The following CDH23 variants were observed in gnomAD, a reference collection of about 807,000 sequenced individuals.
CDH23 encodes cadherin-23.
A neutral mutation model predicts 317.1 loss-of-function variants in CDH23; 189 were observed. That is an observed-to-expected ratio of 0.60 (90% CI 0.53 to 0.67). The LOEUF is 0.67. Among genes scored for constraint, CDH23 ranks in the 30% least tolerant of loss-of-function variants. The pLI is 0.00. For missense variants in CDH23, 4,401 were observed against 4,592.4 expected, an observed-to-expected ratio of 0.96 and a Z score of 1.20; for synonymous variants, 1,839 against 1,876.8, an observed-to-expected ratio of 0.98 and a Z score of 0.52.
At position 71,566,805 on chromosome 10, in the gene CDH23, G is replaced by A; in HGVS notation, c.493G>A (p.Gly165Ser). The A allele has an allele frequency of 6.2e-7, 1 of 1,613,682 alleles. No homozygotes were observed. The highest frequency in any genetic ancestry group is 8.5e-7 in the Non-Finnish European group (1 of 1,179,644). The change falls in exon 7 of 70, where the codon GGC (glycine) becomes AGC (serine). Residue 165 changes from glycine to serine, a missense_variant. By Grantham distance (56) the Gly-to-Ser change is moderately conservative (BLOSUM62 0). Transcript: ENST00000224721. ...CACAGACCCCGACTTGGGGGCAGGG[G>A]GCAGCGTCCTCTACTCCTTCCAGCC... ...NATDPDLGAGGSVLYSFQPPS... is the reference protein window; with the variant it reads ...NATDPDLGAGSSVLYSFQPPS...
intron 1 of CDH23, among the ~76,000 whole-genome samples, chr10:71,420,467 A>G (rs1393328409): frequency 1.4e-5 from 2 of 142,178 alleles, no homozygotes; most frequent in African/African-American, 2.7e-5. Flanking sequence ...GATAATGATG[A>G]TGGTGATGAT....
chr10:71,695,523 A>C lies in CDH23; in HGVS notation c.2395A>C (p.Thr799Pro), dbSNP rs1262031300. The C allele has an allele frequency of 1.2e-6, 2 of 1,604,700 alleles. No individual in the cohort carries two copies. The highest frequency in any genetic ancestry group is 1.7e-6 in the Non-Finnish European group (2 of 1,171,556). ...GACCCCTCCAGACTCTGATGTGACC[A>C]CGGTAGGTGGTGGCAGAGCAGCAGA... Reference protein sequence around the residue: ...EMTPPDSDVTTVVAVDPDLGE... With the variant: ...EMTPPDSDVTPVVAVDPDLGE... Residue 799 changes from threonine (T) to proline (P), a missense_variant and splice_region_variant, in exon 22 of 70, where the codon ACG (threonine) becomes CCG (proline). Thr to Pro is a conservative substitution (Grantham distance 38). Transcript: ENST00000224721.
At chr10:71,715,850 C>T in intron 28 of CDH23, 1 of 1,330,664 alleles carries the variant, frequency 7.5e-7, no homozygotes, top group South Asian at 1.6e-5. Context: ...CCACTGTCTT[C>T]CTGCAGCCTG....
At chr10:71,675,077 C>G (rs1864302948) in intron 14 of CDH23, 35 bp from the exon 15 acceptor site, 4 of 1,601,158 alleles carry the variant, frequency 2.5e-6, no homozygotes, top group Non-Finnish European at 3.4e-6. Context: ...TCAGCTGGGC[C>G]TGGCAGTAAT....
At chr10:71,593,019 C>T (rs991370247) in intron 9 of CDH23, among the ~76,000 whole-genome samples, 4 of 152,198 alleles carry the variant, frequency 2.6e-5, no homozygotes, top group Admixed American at 6.5e-5. Flanking sequence ...CACCACAAGC[C>T]GTGGGAGCTG....
chr10:71,577,816 G>T (rs1858321257), intron 8 of CDH23, 98 bp from the exon 9 acceptor site: 2 of 1,059,418 alleles, frequency 1.9e-6, no homozygotes, highest in South Asian at 2.8e-5. Flanking sequence ...TTGCAGCCAG[G>T]ATCAGCCTGG....
chr10:71,633,153 T>G (rs1396045525), intron 11 of CDH23, among the ~76,000 whole-genome samples: 1 of 152,044 alleles, frequency 6.6e-6, no homozygotes, highest in Admixed American at 6.6e-5. Flanking sequence ...AGTCCATTCA[T>G]GGGTGCAGAG....
chr10:71,507,042 C>T (rs915654008), intron 3 of CDH23, among the ~76,000 whole-genome samples: 1 of 152,176 alleles, frequency 6.6e-6, no homozygotes. Flanking sequence ...CCCAGTTGTG[C>T]AACCTTGGCT....
Position 71,751,268 on chromosome 10 carries a change from G to A in CDH23, c.4845+9347G>A, listed in dbSNP as rs755515368. 1.9e-6 allele frequency: 3 copies of A among 1,610,380 alleles called. No individual in the cohort carries two copies. Among genetic ancestry groups the A allele is most frequent in the East Asian group, 2.2e-5 (1 of 44,824 alleles). ...CCCAGCTGGGCTAGATGACCTCAAAGTTTGGAGAGTCAGGGACAGGGTCTG... is the reference window on the plus strand; with the variant it reads ...CCCAGCTGGGCTAGATGACCTCAAAATTTGGAGAGTCAGGGACAGGGTCTG... On this transcript the variant is annotated intron_variant, in intron 38 of 69. Coordinates refer to ENST00000224721, the MANE Select transcript of CDH23 (RefSeq NM_022124.6). This position sits in a 1 kb window ranked among gnomAD's most constrained non-coding sequence, Gnocchi z 4.9.
chr10:71,498,127 AAGG>A (rs1173092708), intron 3 of CDH23, among the ~76,000 whole-genome samples: 2 of 152,160 alleles, frequency 1.3e-5, no homozygotes, highest in African/African-American at 2.4e-5. Context: ...GTCAGTGGGG[AAGG>A]AGAAGCTCAG....
rs1019489733 is a variant in CDH23, at chr10:71,471,248, G to A, written c.145+24853G>A. ...CTCTTGCTCCCACCACAACACTGAC[G>A]TGGTACCCACTAAGGCCAGCCAGTG... On this transcript the variant is annotated intron_variant, in intron 3 of 69. Coordinates refer to ENST00000224721, the MANE Select transcript of CDH23 (RefSeq NM_022124.6). Among the ~76,000 whole-genome samples, 13 of 152,318 alleles carry A rather than the reference G, an allele frequency of 8.5e-5. No individual in the cohort carries two copies. The East Asian group carries it at 1.2e-3, about 14-fold the overall frequency.
chr10:71,587,984 A>G (rs746412021), intron 9 of CDH23, among the ~76,000 whole-genome samples: 2 of 152,230 alleles, frequency 1.3e-5, no homozygotes, highest in Non-Finnish European at 2.9e-5. Context: ...GAAGACACCC[A>G]CAAGTCCACA....
chr10:71,739,863 G>GAGTGTGCTGATGGA, intron 36 of CDH23, 91 bp downstream of exon 36: 1 of 1,415,896 alleles, frequency 7.1e-7, no homozygotes, highest in Non-Finnish European at 9.4e-7. Flanking sequence ...CTGTCCATCA[G>GAGTGTGCTGATGGA]CACACTCTGG....
rs1428740782 is a variant in CDH23 at position 71,739,720 on chromosome 10, T to C, written c.4436T>C (p.Val1479Ala). ...IVTTNDSIGE[V>A]FVARPLDREE... ...ACCACCAATGACTCCATTGGCGAAG[T>C]GTTTGTGGCCAGGCCCCTGGACAGA... The change falls in exon 36 of 70, where the codon GTG becomes GCG. Residue 1479 changes from valine to alanine, a missense_variant. By Grantham distance (64) the Val-to-Ala change is moderately conservative. Coordinates refer to ENST00000224721, the MANE Select transcript of CDH23 (RefSeq NM_022124.6). 3 of 1,613,292 alleles carry C rather than the reference T, an allele frequency of 1.9e-6. No homozygotes were observed. The Admixed American group carries it at 5.0e-5, about 27-fold the overall frequency.
intron 6 of CDH23, among the ~76,000 whole-genome samples, chr10:71,517,099 A>G (rs1359267044): frequency 3.3e-5 from 5 of 152,236 alleles, no homozygotes; most frequent in African/African-American, 9.6e-5. Context: ...GCAGACAGCC[A>G]TGCGGCTCCC....
intron 22 of CDH23, among the ~76,000 whole-genome samples, chr10:71,699,792 G>T (rs893300712): frequency 5.3e-5 from 8 of 152,172 alleles, no homozygotes; most frequent in African/African-American, 1.7e-4. Flanking sequence ...GCCCAGCAGG[G>T]AGCCTGCAGG....
intron 38 of CDH23, chr10:71,773,429 G>C (rs764392258): frequency 1.2e-6 from 2 of 1,600,644 alleles, no homozygotes; most frequent in African/African-American, 2.7e-5. Context: ...CAGGGCCGTG[G>C]GGACGCCCAT....
chr10:71,689,829 G>A (rs940615437), intron 19 of CDH23, among the ~76,000 whole-genome samples: 4 of 152,178 alleles, frequency 2.6e-5, no homozygotes, highest in Non-Finnish European at 5.9e-5. Flanking sequence ...CCTGTGCACC[G>A]GACCTCCTCA....
rs762805265 is a variant in CDH23 at position 71,791,131 on chromosome 10, G to A, written c.6050-1G>A. 6.2e-7 allele frequency: 1 copy of A among 1,604,248 alleles called. No individual in the cohort carries two copies. Among genetic ancestry groups the A allele is most frequent in the Non-Finnish European group, 8.5e-7 (1 of 1,175,726 alleles). On this transcript the variant is annotated splice_acceptor_variant, in intron 46 of 69. Coordinates refer to ENST00000224721, the MANE Select transcript of CDH23 (RefSeq NM_022124.6). LOFTEE classifies it high-confidence loss of function. ...CCCTGGCTGGCGGCACCGGGTGCCA[G>A]GTGTGGTGACCGTGAGGTCAGGTGT...
Sources: gnomAD v4.1 joint callset for allele counts (sites outside exome capture counted in the v4.1 genomes callset) on GRCh38, gnomAD v4.1.1 for gene constraint, Gnocchi (gnomAD v3.1) non-coding constraint, MANE v1.5 for transcripts, NCBI Gene and HGNC (gene_info 2026-07-23, HGNC 2026-07-21) for gene names.